The following PPP1R1C variants were observed in gnomAD, a reference collection of about 807,000 sequenced individuals.
The protein encoded by PPP1R1C is protein phosphatase 1 regulatory inhibitor subunit 1C.
Under a neutral mutation model 17.4 loss-of-function variants are expected in PPP1R1C, and 15 were observed. The ratio of observed to expected loss-of-function variants is 0.86; its 90% CI spans 0.58 to 1.33. The LOEUF is 1.33. PPP1R1C is among the 40% of genes most tolerant of loss of function. The pLI, the probability that PPP1R1C is intolerant of heterozygous loss-of-function variation, is 0.00. For synonymous variants in PPP1R1C, 35 were observed against 43.1 expected (o/e 0.81, Z 0.73); for missense variants, 143 against 130.0 (o/e 1.10, Z -0.48).
chr2:181,959,919 A>G (rs926955554), intron 1 of PPP1R1C, among the ~76,000 whole-genome samples: 2 of 152,206 alleles, frequency 1.3e-5, no homozygotes, highest in Admixed American at 6.5e-5. Flanking sequence ...ATGCTGCAAA[A>G]TAAGAAGCCA....
chr2:181,999,614 C>A (rs1574364893), intron 2 of PPP1R1C, among the ~76,000 whole-genome samples: 1 of 152,160 alleles, frequency 6.6e-6, no homozygotes, highest in South Asian at 2.1e-4. Context: ...ATGTGAGATT[C>A]TGTTTGATAT....
At position 181,957,693 on chromosome 2, in the gene PPP1R1C, T is replaced by TTGCA. The variant is rs1289192009; in HGVS notation, n.111+3060_111+3061insGCAT. Among the ~76,000 whole-genome samples the TTGCA allele has an allele frequency of 2.0e-5, 3 of 152,174 alleles. No homozygotes were observed. Among genetic ancestry groups the TTGCA allele is most frequent in the African/African-American group, 4.8e-5 (2 of 41,440 alleles). ...AATCTGATAATTCCCATTGCATACC[T>TTGCA]TAGGAATCTGTCTCCCATGCCCCAC... On this transcript the variant is annotated intron_variant and non_coding_transcript_variant, in intron 1 of 5. Coordinates refer to the PPP1R1C transcript ENST00000464264. The surrounding 1 kb of genome is among the most constrained non-coding windows in gnomAD (Gnocchi z 4.2).
intron 4 of PPP1R1C, among the ~76,000 whole-genome samples, chr2:182,116,908 A>G (rs573554389): frequency 6.6e-5 from 10 of 152,186 alleles, no homozygotes; most frequent in Non-Finnish European, 1.2e-4. Context: ...TAGAATTATA[A>G]TAAGAATCTG....
chr2:181,995,750 CTTT>C (rs765059591), intron 2 of PPP1R1C, among the ~76,000 whole-genome samples: 1 of 142,128 alleles, frequency 7.0e-6, no homozygotes, highest in Admixed American at 7.1e-5. Context: ...AAATTTCTTC[CTTT>C]TTTTTTTTTT....
downstream of PPP1R1C, among the ~76,000 whole-genome samples, chr2:182,119,408 T>G (rs536007035): frequency 2.1e-3 from 324 of 152,332 alleles, 3 homozygotes; most frequent in African/African-American, 7.4e-3. Context: ...TATAATCCTT[T>G]GGGTATATAC....
chr2:182,012,042 C>T (rs1287715033), intron 2 of PPP1R1C, among the ~76,000 whole-genome samples: 3 of 152,012 alleles, frequency 2.0e-5, no homozygotes, highest in African/African-American at 7.2e-5. Context: ...AACATATGGT[C>T]TCTCCTTGAT....
At chr2:182,006,997 T>C (rs558740365) in intron 2 of PPP1R1C, among the ~76,000 whole-genome samples, 2 of 152,336 alleles carry the variant, frequency 1.3e-5, no homozygotes, top group Admixed American at 6.5e-5. Flanking sequence ...AAATTGCTTA[T>C]TGGTTTTTGT....
intron 4 of PPP1R1C, among the ~76,000 whole-genome samples, chr2:182,114,599 A>G (rs1689528223): frequency 1.3e-5 from 2 of 152,184 alleles, no homozygotes; most frequent in African/African-American, 4.8e-5. Flanking sequence ...GGCACACATC[A>G]ACCAATTGTT....
downstream of PPP1R1C, among the ~76,000 whole-genome samples, chr2:182,118,430 C>T (rs1368050571): frequency 1.3e-5 from 2 of 151,960 alleles, no homozygotes; most frequent in Non-Finnish European, 2.9e-5. Context: ...GAAGAATACT[C>T]AGTTTGGTCC....
chr2:182,028,127 G>A (rs1301572852), intron 2 of PPP1R1C, among the ~76,000 whole-genome samples: 16 of 136,824 alleles, frequency 1.2e-4, no homozygotes, highest in East Asian at 4.1e-4. Context: ...TCTTGCTAGC[G>A]GTCTATCAAT....
Position 181,962,180 on chromosome 2 carries a change from C to G in PPP1R1C, n.111+7546C>G. The G allele has an allele frequency of 1.3e-6, 1 of 741,730 alleles. No homozygotes were observed. The highest frequency in any genetic ancestry group is 2.5e-6 in the Non-Finnish European group (1 of 405,924). The allele number at this position is 741,730 out of a possible 1,614,324, so 45.9% of individuals were successfully genotyped here. A position where few individuals can be genotyped will look rare whatever the true frequency, so the allele number is the denominator to read the frequency against. ...CAGCTTCCGGTTCTTGGTCTCCAGG[C>G]TCCTCACTCTGTCCAGGTAGGAGGC... On this transcript the variant is annotated intron_variant and non_coding_transcript_variant, in intron 1 of 5. Transcript: ENST00000464264. The surrounding 1 kb of genome is among the most constrained non-coding windows in gnomAD (Gnocchi z 6.0).
At chr2:182,085,419 T>G (rs1022539012) in intron 4 of PPP1R1C, among the ~76,000 whole-genome samples, 13 of 152,146 alleles carry the variant, frequency 8.5e-5, no homozygotes, top group African/African-American at 3.1e-4. Flanking sequence ...CATCCTTTAA[T>G]TGTAGAAAAT....
At chr2:182,078,220 C>A (rs757131127) in intron 4 of PPP1R1C, among the ~76,000 whole-genome samples, 1 of 152,168 alleles carries the variant, frequency 6.6e-6, no homozygotes, top group Non-Finnish European at 1.5e-5. Context: ...TGGGGTTAAA[C>A]TAAGGGAATA....
intron 1 of PPP1R1C, among the ~76,000 whole-genome samples, chr2:181,972,257 T>A (rs999709267): frequency 2.6e-5 from 4 of 152,198 alleles, no homozygotes; most frequent in Non-Finnish European, 5.9e-5. Flanking sequence ...TTAATACCTA[T>A]GAATCATTTC....
chr2:182,077,246 A>G (rs1688342157), intron 4 of PPP1R1C, among the ~76,000 whole-genome samples: 2 of 149,770 alleles, frequency 1.3e-5, no homozygotes, highest in Non-Finnish European at 2.9e-5. Flanking sequence ...GTAACATAAA[A>G]TGTCATAAAC....
chr2:182,025,342 A>T (rs1007826251), intron 2 of PPP1R1C, among the ~76,000 whole-genome samples: 3 of 141,262 alleles, frequency 2.1e-5, no homozygotes, highest in East Asian at 2.1e-4. Flanking sequence ...ATATCTCCCA[A>T]TGCTATCCCT....
intron 3 of PPP1R1C, among the ~76,000 whole-genome samples, chr2:182,062,857 T>G (rs1687887692): frequency 6.6e-6 from 1 of 152,126 alleles, no homozygotes; most frequent in Non-Finnish European, 1.5e-5. Context: ...CTATTTACAC[T>G]TGAGCTTTTC....
intron 4 of PPP1R1C, among the ~76,000 whole-genome samples, chr2:182,077,151 G>A (rs959600743): frequency 2.0e-5 from 3 of 152,078 alleles, no homozygotes; most frequent in Non-Finnish European, 2.9e-5. Context: ...TCTCTTTTAT[G>A]ACCTCAAAGA....
chr2:182,098,335 G>GAAAC (rs1158155723), intron 4 of PPP1R1C, among the ~76,000 whole-genome samples: 3 of 152,040 alleles, frequency 2.0e-5, no homozygotes, highest in Non-Finnish European at 4.4e-5. Context: ...TTGAGTAATA[G>GAAAC]AAACAAAAAA....
Sources: gnomAD v4.1 joint callset for allele counts (sites outside exome capture counted in the v4.1 genomes callset) on GRCh38, gnomAD v4.1.1 for gene constraint, Gnocchi (gnomAD v3.1) non-coding constraint, MANE v1.5 for transcripts, NCBI Gene and HGNC (gene_info 2026-07-23, HGNC 2026-07-21) for gene names.